The following ARHGAP44 variants were observed in gnomAD, a reference collection of about 807,000 sequenced individuals.
The protein encoded by ARHGAP44 is Rho GTPase activating protein 44.
ARHGAP44 carries 43 observed loss-of-function variants against 106.8 expected under a neutral mutation model. That is an observed-to-expected ratio of 0.40 (90% CI 0.32 to 0.52). The LOEUF (loss-of-function observed/expected upper bound fraction) is 0.52. Among genes scored for constraint, ARHGAP44 ranks in the 20% least tolerant of loss-of-function variants. The pLI is 0.48. For synonymous variants in ARHGAP44, 439 were observed against 410.3 expected (o/e 1.07, Z -0.85); for missense variants, 866 against 1,050.5 (o/e 0.82, Z 2.43).
rs2017044 is a variant in ARHGAP44, at chr17:12,823,303, A to G, written c.53+33412A>G. ...TGACCACTCAACTTAAGTGAGCCCC[A>G]ATTCTTGCCTCACATCCTTTTGTCA... On this transcript the variant is annotated intron_variant, in intron 1 of 20. Transcript: ENST00000379672. Among the ~76,000 whole-genome samples the G allele has an allele frequency of 8.1e-3, 1,237 of 152,186 alleles. 25 individuals carry two copies. The highest frequency in any genetic ancestry group is 0.029 in the African/African-American group (1,193 of 41,524).
chr17:12,859,265 C>T (rs2035997881), intron 1 of ARHGAP44, among the ~76,000 whole-genome samples: 1 of 152,188 alleles, frequency 6.6e-6, no homozygotes, highest in South Asian at 2.1e-4. Context: ...CAGATTCTCC[C>T]TCACAGCCCT....
intron 6 of ARHGAP44, among the ~76,000 whole-genome samples, chr17:12,925,083 C>A (rs1022471538): frequency 6.6e-6 from 1 of 152,104 alleles, no homozygotes; most frequent in Non-Finnish European, 1.5e-5. Context: ...GTCTCTCACC[C>A]CTCCCCATAC....
In ARHGAP44 at chr17:12,920,947, A is replaced by G. The variant is rs112567843; in HGVS notation, c.464+1116A>G. On this transcript the variant is annotated intron_variant, in intron 6 of 20. Transcript: ENST00000379672. ...GCACATATGTCCTTTTATTTTTTACAGTGGGATATGTGTATATAAGTTGAA... is the reference window on the plus strand; with the variant it reads ...GCACATATGTCCTTTTATTTTTTACGGTGGGATATGTGTATATAAGTTGAA... Among the ~76,000 whole-genome samples, 562 of 152,296 alleles carry G rather than the reference A, an allele frequency of 3.7e-3. 27 individuals are homozygous for G. In the South Asian group the frequency reaches 0.098, roughly 27 times the overall value.
chr17:12,931,589 C>T (rs1012690452), intron 7 of ARHGAP44, among the ~76,000 whole-genome samples: 22 of 151,286 alleles, frequency 1.5e-4, no homozygotes, highest in South Asian at 4.2e-4. Context: ...CTCCGCCTCC[C>T]GGGTTCACAC....
Position 12,817,677 on chromosome 17 carries a change from TA to T in ARHGAP44, c.53+27789del, listed in dbSNP as rs1356022408. ...AAACACAAATTACTAATATCAGGAA[TA>T]AACAACGGGATATCACTGCAGACCT... On this transcript the variant is annotated intron_variant, in intron 1 of 20. Coordinates refer to ENST00000379672, the MANE Select transcript of ARHGAP44 (RefSeq NM_014859.6). 2.0e-4 allele frequency among the ~76,000 whole-genome samples: 30 copies of T among 152,020 alleles called. 1 individual carries two copies. Among genetic ancestry groups the T allele is most frequent in the Admixed American group, 1.9e-3 (29 of 15,266 alleles).
At chr17:12,815,479 A>G (rs2034572588) in intron 1 of ARHGAP44, among the ~76,000 whole-genome samples, 1 of 152,248 alleles carries the variant, frequency 6.6e-6, no homozygotes, top group African/African-American at 2.4e-5. Context: ...CTAAAAGATC[A>G]GAAAGGATTT....
intron 7 of ARHGAP44, among the ~76,000 whole-genome samples, chr17:12,937,151 G>A (rs1273739022): frequency 6.6e-6 from 1 of 152,162 alleles, no homozygotes; most frequent in Non-Finnish European, 1.5e-5. Flanking sequence ...TCTTAGGTGG[G>A]ACAGAATTGC....
intron 1 of ARHGAP44, among the ~76,000 whole-genome samples, chr17:12,847,044 C>G (rs915499239): frequency 2.1e-4 from 32 of 152,128 alleles, no homozygotes; most frequent in African/African-American, 6.8e-4. Context: ...GTGTTTCCAC[C>G]TCTTCTGAAT....
chr17:12,925,810 C>T (rs1410368311), intron 6 of ARHGAP44, among the ~76,000 whole-genome samples: 1 of 152,188 alleles, frequency 6.6e-6, no homozygotes, highest in Non-Finnish European at 1.5e-5. Context: ...AGCAGCCCAA[C>T]TCTTGAGTTT....
At chr17:12,890,770 A>T (rs993486027) in intron 1 of ARHGAP44, among the ~76,000 whole-genome samples, 2 of 152,152 alleles carry the variant, frequency 1.3e-5, no homozygotes, top group Non-Finnish European at 2.9e-5. Context: ...TTCTCTTTTA[A>T]TCATAAATTC....
intron 1 of ARHGAP44, among the ~76,000 whole-genome samples, chr17:12,814,579 A>G (rs2034541891): frequency 6.6e-6 from 1 of 152,070 alleles, no homozygotes; most frequent in Non-Finnish European, 1.5e-5. Context: ...CCCGGAGCAG[A>G]TATAGATTAA....
At chr17:12,948,723 T>TACACACGCAC (rs2038917817) in intron 10 of ARHGAP44, among the ~76,000 whole-genome samples, 1 of 29,310 alleles carries the variant, frequency 3.4e-5, no homozygotes, top group Non-Finnish European at 6.7e-5. Flanking sequence ...CCAACACACA[T>TACACACGCAC]ACACACACAC....
intron 1 of ARHGAP44, among the ~76,000 whole-genome samples, chr17:12,880,715 GAGT>G (rs2036704702): frequency 6.6e-6 from 1 of 151,600 alleles, no homozygotes; most frequent in Non-Finnish European, 1.5e-5. Context: ...TCAACTTAAT[GAGT>G]ATAGTGGAAA....
At chr17:12,797,782 G>GA (rs34581097) in intron 1 of ARHGAP44, among the ~76,000 whole-genome samples, 91 of 152,022 alleles carry the variant, frequency 6.0e-4, no homozygotes, top group African/African-American at 2.0e-3. Context: ...TATTAAGATG[G>GA]AAAAAAATGG....
At chr17:12,854,135 G>C (rs2035838149) in intron 1 of ARHGAP44, among the ~76,000 whole-genome samples, 1 of 152,174 alleles carries the variant, frequency 6.6e-6, no homozygotes, top group Admixed American at 6.5e-5. Flanking sequence ...AGCCTTGCAA[G>C]AGCCCTTCCC....
intron 1 of ARHGAP44, among the ~76,000 whole-genome samples, chr17:12,881,345 G>A (rs938501358): frequency 1.3e-5 from 2 of 151,796 alleles, no homozygotes; most frequent in East Asian, 1.9e-4. Flanking sequence ...TTTGTGTACC[G>A]TGTAGAGTAG....
At chr17:12,964,967 T>C (rs2039355143) in intron 16 of ARHGAP44, among the ~76,000 whole-genome samples, 1 of 152,146 alleles carries the variant, frequency 6.6e-6, no homozygotes, top group Admixed American at 6.5e-5. Context: ...CCTCTGTGTT[T>C]CCTCAGTACC....
chr17:12,809,771 TTG>T (rs2034384009), intron 1 of ARHGAP44, among the ~76,000 whole-genome samples: 1 of 152,040 alleles, frequency 6.6e-6, no homozygotes, highest in Admixed American at 6.5e-5. Flanking sequence ...TAGATCAGAT[TTG>T]TGGCCATGAG....
At chr17:12,814,244 T>G (rs1468353665) in intron 1 of ARHGAP44, among the ~76,000 whole-genome samples, 2 of 144,790 alleles carry the variant, frequency 1.4e-5, no homozygotes, top group Non-Finnish European at 1.5e-5. Context: ...TGTTTTTTTT[T>G]TTTTTTTTTT....
Sources: gnomAD v4.1 joint callset for allele counts (sites outside exome capture counted in the v4.1 genomes callset) on GRCh38, gnomAD v4.1.1 for gene constraint, MANE v1.5 for transcripts, NCBI Gene and HGNC (gene_info 2026-07-23, HGNC 2026-07-21) for gene names.